The following CNTNAP2 variants were observed in gnomAD, a reference collection of about 807,000 sequenced individuals.
CNTNAP2 encodes the protein contactin associated protein 2, also known as contactin-associated protein-like 2.
CNTNAP2 carries 98 observed loss-of-function variants against 155.2 expected under a neutral mutation model. That is an observed-to-expected ratio of 0.63 (90% CI 0.54 to 0.75). The LOEUF (loss-of-function observed/expected upper bound fraction) is 0.75. CNTNAP2 is among the 30% of genes least tolerant of loss of function. CNTNAP2 has a pLI of 0.00. For missense variants in CNTNAP2, 1,727 were observed against 1,688.1 expected, an observed-to-expected ratio of 1.02 and a Z score of -0.40; for synonymous variants, 651 against 631.2, an observed-to-expected ratio of 1.03 and a Z score of -0.47.
intron 3 of CNTNAP2, among the ~76,000 whole-genome samples, chr7:147,012,997 C>T (rs545178345): frequency 6.6e-6 from 1 of 152,062 alleles, no homozygotes; most frequent in Non-Finnish European, 1.5e-5. Context: ...AATGGATCAA[C>T]ATTTACCAAA....
chr7:146,627,334 C>T (rs1411769939), intron 1 of CNTNAP2, among the ~76,000 whole-genome samples: 1 of 152,118 alleles, frequency 6.6e-6, no homozygotes, highest in Non-Finnish European at 1.5e-5. Flanking sequence ...CTTTCCTAAA[C>T]TGACTGCTTG....
chr7:146,732,106 T>C (rs1414987286), intron 1 of CNTNAP2, among the ~76,000 whole-genome samples: 5 of 152,142 alleles, frequency 3.3e-5, no homozygotes. Context: ...TTCTATTTTT[T>C]TCTTATACAC....
intron 16 of CNTNAP2, among the ~76,000 whole-genome samples, chr7:148,122,682 G>A (rs1182772139): frequency 3.3e-5 from 5 of 152,084 alleles, no homozygotes; most frequent in African/African-American, 1.2e-4. Context: ...CCAGAGAAAA[G>A]ACTGGAAGCC....
chr7:146,208,429 T>C (rs1253255677), intron 1 of CNTNAP2, among the ~76,000 whole-genome samples: 1 of 152,130 alleles, frequency 6.6e-6, no homozygotes, highest in Non-Finnish European at 1.5e-5. Context: ...TAAGACTGAT[T>C]AGTGTTGCTT....
intron 1 of CNTNAP2, among the ~76,000 whole-genome samples, chr7:146,713,332 C>A (rs1165185263): frequency 1.3e-5 from 2 of 152,074 alleles, no homozygotes; most frequent in Admixed American, 1.3e-4. Flanking sequence ...ATTAGTGTTC[C>A]ATCATTTGCA....
rs528495291 is a variant in CNTNAP2, at chr7:146,798,151, G to A, written c.208+23770G>A. On this transcript the variant is annotated intron_variant, in intron 2 of 23. Coordinates refer to ENST00000361727, the MANE Select transcript of CNTNAP2 (RefSeq NM_014141.6). Reference sequence around the variant, plus strand: ...GCCAGGTATCCTAGCACACGCCTGCGGTCCCAGTTACTCAGGAGGCAGAGG... The same window carrying A: ...GCCAGGTATCCTAGCACACGCCTGCAGTCCCAGTTACTCAGGAGGCAGAGG... Among the ~76,000 whole-genome samples the A allele has an allele frequency of 5.9e-5, 9 of 151,942 alleles. No individual in the cohort carries two copies. In the East Asian group the frequency reaches 9.7e-4, roughly 16 times the overall value.
chr7:148,046,928 C>T (rs1802785936), intron 15 of CNTNAP2, among the ~76,000 whole-genome samples: 1 of 152,082 alleles, frequency 6.6e-6, no homozygotes. Flanking sequence ...AAAGCTTTTA[C>T]AAAATGATTA....
chr7:148,380,462 A>T (rs1053498470), intron 21 of CNTNAP2, among the ~76,000 whole-genome samples: 1 of 152,238 alleles, frequency 6.6e-6, no homozygotes, highest in Non-Finnish European at 1.5e-5. Flanking sequence ...CTCAGCCGCT[A>T]ATGAAACACA....
intron 14 of CNTNAP2, among the ~76,000 whole-genome samples, chr7:147,940,503 G>T (rs974566064): frequency 7.2e-5 from 11 of 151,856 alleles, no homozygotes; most frequent in African/African-American, 2.7e-4. Context: ...ACATAAAAGA[G>T]ATTCTTTCAT....
intron 1 of CNTNAP2, among the ~76,000 whole-genome samples, chr7:146,388,176 A>G (rs1331085019): frequency 6.6e-6 from 1 of 151,010 alleles, no homozygotes; most frequent in Non-Finnish European, 1.5e-5. Flanking sequence ...CACGTTGGTA[A>G]TCCTCGCACT....
chr7:148,045,926 TTATTAATGACAGGGA>T (rs2116486246), intron 15 of CNTNAP2, among the ~76,000 whole-genome samples: 1 of 152,358 alleles, frequency 6.6e-6, no homozygotes, highest in African/African-American at 2.4e-5. Flanking sequence ...AAAATGATTT[TTATTAATGACAGGGA>T]TATAATGAAA....
chr7:146,314,615 G>A (rs1219294334), intron 1 of CNTNAP2, among the ~76,000 whole-genome samples: 1 of 152,128 alleles, frequency 6.6e-6, no homozygotes, highest in Admixed American at 6.5e-5. Flanking sequence ...AGGAGATTCA[G>A]GAGCGTGGAG....
chr7:147,178,385 G>A (rs555414855), intron 8 of CNTNAP2, among the ~76,000 whole-genome samples: 2 of 152,286 alleles, frequency 1.3e-5, no homozygotes, highest in Admixed American at 1.3e-4. Flanking sequence ...GAAAAGGCAA[G>A]GAAACAGTTT....
intron 13 of CNTNAP2, among the ~76,000 whole-genome samples, chr7:147,652,582 CAT>C (rs1426303818): frequency 1.3e-5 from 2 of 152,194 alleles, no homozygotes; most frequent in South Asian, 4.2e-4. Context: ...TCTGAGGAAA[CAT>C]AACTTTAGAA....
chr7:146,803,612 TGC>T (rs1375475610), intron 2 of CNTNAP2, among the ~76,000 whole-genome samples: 1 of 152,176 alleles, frequency 6.6e-6, no homozygotes, highest in Admixed American at 6.5e-5. Context: ...GAGCTGTGTG[TGC>T]CAGGAATTAG....
intron 13 of CNTNAP2, among the ~76,000 whole-genome samples, chr7:147,784,737 C>A (rs996062516): frequency 2.0e-5 from 3 of 150,660 alleles, no homozygotes; most frequent in Non-Finnish European, 4.4e-5. Flanking sequence ...ATGCTGATTG[C>A]AATGTTAGAA....
rs372120503 is a variant in CNTNAP2, at chr7:147,764,628, T to A, written c.2098+125322T>A. 4.1e-4 allele frequency among the ~76,000 whole-genome samples: 63 copies of A among 152,312 alleles called. 1 individual carries two copies. The South Asian group carries it at 0.013, about 32-fold the overall frequency. ...TGTAGGAAAAAAAATGGTGAGTCAA[T>A]ATAATCTTGGTTTATCTCTGTAATA... On this transcript the variant is annotated intron_variant, in intron 13 of 23. Transcript: ENST00000361727.
intron 1 of CNTNAP2, among the ~76,000 whole-genome samples, chr7:146,759,910 C>T (rs1246818400): frequency 2.6e-5 from 4 of 152,114 alleles, no homozygotes; most frequent in African/African-American, 4.8e-5. Context: ...AGAGAAAGGA[C>T]GTTTAGTAAT....
Position 147,268,949 on chromosome 7 carries a change from T to A in CNTNAP2, c.1349-31192T>A, listed in dbSNP as rs73742512. 7.1e-4 allele frequency among the ~76,000 whole-genome samples: 108 copies of A among 152,178 alleles called. 6 individuals are homozygous for A. Among genetic ancestry groups the A allele is most frequent in the Non-Finnish European group, 5.9e-5 (4 of 68,038 alleles). ...TACAAATAAAGTACTAAATGGAGTC[T>A]TTATTTAATGAAAAAACCCATAACA... On this transcript the variant is annotated intron_variant, in intron 8 of 23. Transcript: ENST00000361727.
Sources: allele counts gnomAD v4.1 joint callset (sites outside exome capture counted in the v4.1 genomes callset), GRCh38; gene constraint gnomAD v4.1.1; transcripts MANE v1.5; gene names NCBI Gene and HGNC (gene_info 2026-07-23, HGNC 2026-07-21).